Variants in PACRG observed in about 807,000 individuals in gnomAD.
The protein encoded by PACRG is parkin coregulated gene protein.
A neutral mutation model predicts 29.7 loss-of-function variants in PACRG; 29 were observed. That is an observed-to-expected ratio of 0.98 (90% CI 0.73 to 1.33). The LOEUF (loss-of-function observed/expected upper bound fraction) is 1.33, where lower values mean the gene tolerates loss of function less well. Among genes scored for constraint, PACRG ranks in the 40% most tolerant of loss-of-function variants. The pLI is 0.00. For synonymous variants in PACRG, 116 were observed against 118.7 expected, an observed-to-expected ratio of 0.98 and a Z score of 0.15; for missense variants, 279 against 316.2, an observed-to-expected ratio of 0.88 and a Z score of 0.89.
In PACRG at chr6:163,047,435, G is replaced by A. The variant is rs567562429; in HGVS notation, c.292-14715G>A. ...AATTCCTTTAACTATATGACAAGAG[G>A]TTGAGTGGGAATGTTAGAAGCTATG... On this transcript the variant is annotated intron_variant, in intron 2 of 4. Coordinates refer to ENST00000366888, the MANE Select transcript of PACRG (RefSeq NM_001080379.2). Among the ~76,000 whole-genome samples the A allele has an allele frequency of 7.2e-5, 11 of 152,270 alleles. No individual in the cohort carries two copies. The East Asian group carries it at 1.7e-3, about 24-fold the overall frequency.
chr6:163,181,604 CAAAAAAAAAAAAAAAAA>C (rs544633309), intron 4 of PACRG, among the ~76,000 whole-genome samples: 1 of 65,102 alleles, frequency 1.5e-5, no homozygotes, highest in African/African-American at 6.7e-5. Context: ...CTTGAGGTGG[CAAAAAAAAAAAAAAAAA>C]AAAAAAAAAA....
chr6:162,830,885 A>G (rs1448040748), intron 2 of PACRG, among the ~76,000 whole-genome samples: 1 of 152,104 alleles, frequency 6.6e-6, no homozygotes, highest in African/African-American at 2.4e-5. Context: ...TTCAACAAAC[A>G]CGTTCTCAGC....
chr6:162,823,735 G>A lies in PACRG; in HGVS notation c.291+9454G>A, dbSNP rs547123290. 1.1e-4 allele frequency among the ~76,000 whole-genome samples: 17 copies of A among 152,096 alleles called. No individual in the cohort carries two copies. The East Asian group carries it at 1.4e-3, about 12-fold the overall frequency. On this transcript the variant is annotated intron_variant, in intron 2 of 4. Transcript: ENST00000366888. ...TCACCGTGTTAGCCAAGATGGTCTC[G>A]ATCTCCTGACCTCGTGATCCGCCTG...
intron 2 of PACRG, among the ~76,000 whole-genome samples, chr6:162,978,301 T>G (rs1460161585): frequency 6.6e-6 from 1 of 152,228 alleles, no homozygotes; most frequent in Non-Finnish European, 1.5e-5. Flanking sequence ...AAATTTGTGT[T>G]TACTGACTTA....
intron 4 of PACRG, among the ~76,000 whole-genome samples, chr6:163,122,782 T>C (rs1816348119): frequency 6.6e-6 from 1 of 152,158 alleles, no homozygotes; most frequent in Non-Finnish European, 1.5e-5. Flanking sequence ...CACACATAAT[T>C]AATGTGTACA....
upstream of PACRG, chr6:162,727,549 G>A: frequency 8.4e-7 from 1 of 1,194,472 alleles, no homozygotes; most frequent in Non-Finnish European, 1.2e-6. Flanking sequence ...GGGCACTTTG[G>A]CCCCGTCATT....
At chr6:162,752,868 T>C (rs1781614604) in intron 1 of PACRG, among the ~76,000 whole-genome samples, 1 of 152,234 alleles carries the variant, frequency 6.6e-6, no homozygotes, top group African/African-American at 2.4e-5. Flanking sequence ...GCTAGCTCTT[T>C]GGATCCTCCT....
At chr6:163,302,259 T>G (rs73784588) in intron 4 of PACRG, among the ~76,000 whole-genome samples, 32,072 of 89,744 alleles carry the variant, frequency 0.36, 3,769 homozygotes, top group African/African-American at 0.54. Flanking sequence ...TTTTTTTTTG[T>G]TTTTTTTTTT....
chr6:162,772,415 C>T (rs905322006), intron 1 of PACRG, among the ~76,000 whole-genome samples: 1 of 151,884 alleles, frequency 6.6e-6, no homozygotes, highest in African/African-American at 2.4e-5. Flanking sequence ...AAGAGAAAGA[C>T]CAAAGCAAAC....
At chr6:163,173,226 C>G (rs1272724221) in intron 4 of PACRG, among the ~76,000 whole-genome samples, 1 of 152,170 alleles carries the variant, frequency 6.6e-6, no homozygotes, top group African/African-American at 2.4e-5. Context: ...TAATAAACTG[C>G]ATCATCAAAA....
rs532736010 is a variant in PACRG, at chr6:163,261,151, C to T, written c.614-53676C>T. ...CCTCCTCCCTCTGTCTTCCCGGCTC[C>T]CCATGTTCCTGAGCCCGGAGCTGAT... On this transcript the variant is annotated intron_variant, in intron 4 of 4. Coordinates refer to ENST00000366888, the MANE Select transcript of PACRG (RefSeq NM_001080379.2). Among the ~76,000 whole-genome samples, 112 of 152,242 alleles carry T rather than the reference C, an allele frequency of 7.4e-4. 2 individuals carry two copies. The highest frequency in any genetic ancestry group is 2.5e-3 in the African/African-American group (102 of 41,534).
chr6:162,814,790 C>T (rs1787187326), intron 2 of PACRG, among the ~76,000 whole-genome samples: 1 of 152,184 alleles, frequency 6.6e-6, no homozygotes, highest in Non-Finnish European at 1.5e-5. Flanking sequence ...TGTCAGCAAG[C>T]GCGATGGCTG....
intron 4 of PACRG, among the ~76,000 whole-genome samples, chr6:163,221,839 T>G (rs927269953): frequency 7.2e-5 from 11 of 152,088 alleles, no homozygotes; most frequent in African/African-American, 2.7e-4. Flanking sequence ...GGCACAGGTG[T>G]GTATTGGAGA....
At chr6:163,251,671 C>T (rs917441056) in intron 4 of PACRG, among the ~76,000 whole-genome samples, 5 of 152,162 alleles carry the variant, frequency 3.3e-5, no homozygotes, top group African/African-American at 1.2e-4. Context: ...CTGCTCGGAC[C>T]TCCACAGGAG....
intron 4 of PACRG, among the ~76,000 whole-genome samples, chr6:163,283,091 T>A (rs1784274008): frequency 6.6e-6 from 1 of 152,254 alleles, no homozygotes; most frequent in African/African-American, 2.4e-5. Context: ...CATTACTATA[T>A]GACATGATAA....
intron 4 of PACRG, among the ~76,000 whole-genome samples, chr6:163,098,083 G>A (rs993038010): frequency 3.9e-5 from 6 of 152,182 alleles, no homozygotes; most frequent in East Asian, 3.9e-4. Flanking sequence ...AGTAAGCCAC[G>A]TTATATAGGG....
intron 4 of PACRG, among the ~76,000 whole-genome samples, chr6:163,110,586 C>T (rs1237131763): frequency 6.6e-6 from 1 of 152,160 alleles, no homozygotes; most frequent in East Asian, 1.9e-4. Context: ...TCTGAGACTC[C>T]CAGTGGTCAC....
chr6:162,871,046 G>T (rs1403216219), intron 2 of PACRG, among the ~76,000 whole-genome samples: 1 of 152,152 alleles, frequency 6.6e-6, no homozygotes, highest in Non-Finnish European at 1.5e-5. Flanking sequence ...ATCAAGGAAA[G>T]GCATAATTCC....
At chr6:162,727,469 C>T (rs1300137253), upstream of PACRG, among the ~76,000 whole-genome samples, 1 of 152,048 alleles carries the variant, frequency 6.6e-6, no homozygotes, top group Admixed American at 6.5e-5. Context: ...GGGCTTCGAA[C>T]GCACACACTG....
Sources: allele counts gnomAD v4.1 joint callset (sites outside exome capture counted in the v4.1 genomes callset), GRCh38; gene constraint gnomAD v4.1.1; transcripts MANE v1.5; gene names NCBI Gene and HGNC (gene_info 2026-07-23, HGNC 2026-07-21).